Variants in CADPS2 observed in about 807,000 individuals in gnomAD.
CADPS2 encodes the protein calcium-dependent secretion activator 2.
A neutral mutation model predicts 172.5 loss-of-function variants in CADPS2; 93 were observed. The ratio of observed to expected loss-of-function variants is 0.54; its 90% CI spans 0.46 to 0.64. The LOEUF is 0.64. Ranked by LOEUF, CADPS2 falls within the 30% of genes least tolerant of loss-of-function variation. The pLI is 0.00. For missense variants in CADPS2, 1,420 were observed against 1,565.9 expected (o/e 0.91, Z 1.57); for synonymous variants, 546 against 555.2 (o/e 0.98, Z 0.23).
chr7:122,652,385 C>G (rs984737433), intron 3 of CADPS2, among the ~76,000 whole-genome samples: 1 of 152,138 alleles, frequency 6.6e-6, no homozygotes, highest in Non-Finnish European at 1.5e-5. Flanking sequence ...AGTTGATTAA[C>G]TGGTACCACT....
intron 1 of CADPS2, among the ~76,000 whole-genome samples, chr7:122,758,766 AATT>A (rs2093266502): frequency 6.6e-6 from 1 of 152,158 alleles, no homozygotes; most frequent in Non-Finnish European, 1.5e-5. Context: ...TCATTCACTC[AATT>A]ATTTTTCTAC....
chr7:122,697,971 AG>A (rs1458348713), intron 2 of CADPS2: 2 of 1,613,422 alleles, frequency 1.2e-6, no homozygotes, highest in East Asian at 2.2e-5. Context: ...GAACTTGCAA[AG>A]GTTCTGTTCC....
Position 122,401,845 on chromosome 7 carries a change from G to A in CADPS2, c.2746+5695C>T, listed in dbSNP as rs117994344. ...TTTTGCTCTGGGAGTCAGTGAGTGA[G>A]TCTGTGAGGGGTGGGACATTGGGGA... On this transcript the variant is annotated intron_variant, in intron 20 of 29. Coordinates refer to ENST00000449022, the MANE Select transcript of CADPS2 (RefSeq NM_017954.11). Among the ~76,000 whole-genome samples, 889 of 152,180 alleles carry A rather than the reference G, an allele frequency of 5.8e-3. 6 individuals carry two copies. The highest frequency in any genetic ancestry group is 0.02 in the Middle Eastern group (6 of 294).
rs937633791 is a variant in CADPS2 at position 122,414,075 on chromosome 7, C to T, written c.2582G>A (p.Gly861Glu). Residue 861 changes from glycine to glutamate, a missense_variant and splice_region_variant, in exon 19 of 30, where the codon GGA becomes GAA. Gly to Glu is a moderately conservative substitution (Grantham distance 98). Coordinates refer to ENST00000449022, the MANE Select transcript of CADPS2 (RefSeq NM_017954.11). ...GGAAATCATTTTACTCACCTCTCTT[C>T]CCTGAGGGTTTCCAAGAATTTGGAA... ...LQQNEEHHAE[G>E]REAFAWWPDL... The T allele has an allele frequency of 6.5e-7, 1 of 1,537,866 alleles. No homozygotes were observed. Among genetic ancestry groups the T allele is most frequent in the Middle Eastern group, 1.7e-4 (1 of 5,782 alleles).
At chr7:122,645,508 ATATACT>A (rs1394349703) in intron 3 of CADPS2, among the ~76,000 whole-genome samples, 2 of 122,612 alleles carry the variant, frequency 1.6e-5, no homozygotes, top group Non-Finnish European at 3.5e-5. Flanking sequence ...ATAAGTATAT[ATATACT>A]TATATATATA....
At chr7:122,691,821 A>G (rs191716543) in intron 2 of CADPS2, among the ~76,000 whole-genome samples, 1 of 152,236 alleles carries the variant, frequency 6.6e-6, no homozygotes, top group Non-Finnish European at 1.5e-5. Context: ...AGCTGTGCAA[A>G]ACATCCACCC....
At chr7:122,726,800 A>G (rs377296137) in intron 2 of CADPS2, among the ~76,000 whole-genome samples, 1 of 151,670 alleles carries the variant, frequency 6.6e-6, no homozygotes, top group Non-Finnish European at 1.5e-5. Flanking sequence ...CTATCCACAT[A>G]TAAGATAGAG....
chr7:122,471,419 G>A lies in CADPS2; in HGVS notation c.2142C>T (p.Leu714=). ...ENGAVIDPTL[L]HYSFAFCASH... ...AGGCACAGAATGCAAAGCTGTAATG[G>A]AGCAGGGTAGGGTCAATGACAGCAC... Residue 714 remains leucine, a synonymous_variant, in exon 14 of 30, where the codon CTC becomes CTT. Coordinates refer to ENST00000449022, the MANE Select transcript of CADPS2 (RefSeq NM_017954.11). The A allele has an allele frequency of 3.1e-6, 5 of 1,613,388 alleles. No homozygotes were observed. Among genetic ancestry groups the A allele is most frequent in the Non-Finnish European group, 4.2e-6 (5 of 1,179,654 alleles).
intron 1 of CADPS2, among the ~76,000 whole-genome samples, chr7:122,885,241 ACTT>A (rs1311283841): frequency 1.3e-5 from 2 of 152,150 alleles, no homozygotes; most frequent in African/African-American, 4.8e-5. Flanking sequence ...CCTGAAACAA[ACTT>A]CTTACCTTTT....
chr7:122,816,760 G>A (rs982659288), intron 1 of CADPS2, among the ~76,000 whole-genome samples: 1 of 152,114 alleles, frequency 6.6e-6, no homozygotes, highest in African/African-American at 2.4e-5. Context: ...CCAAGCCATC[G>A]CATCCCCTGT....
chr7:122,665,610 T>A (rs2081108553), intron 2 of CADPS2, among the ~76,000 whole-genome samples: 1 of 152,238 alleles, frequency 6.6e-6, no homozygotes, highest in Non-Finnish European at 1.5e-5. Context: ...TACTTTATGA[T>A]AAAGTGTTGA....
chr7:122,328,532 T>C (rs980039261), intron 28 of CADPS2: 1 of 151,872 alleles, frequency 6.6e-6, no homozygotes, highest in Non-Finnish European at 1.5e-5. Context: ...ATTACTGCTT[T>C]ATTCTTTGCC....
intron 1 of CADPS2, among the ~76,000 whole-genome samples, chr7:122,855,168 T>C (rs1441059481): frequency 6.6e-6 from 1 of 152,186 alleles, no homozygotes; most frequent in Non-Finnish European, 1.5e-5. Context: ...GGGTTGCTAT[T>C]TTCCTGGAGG....
At chr7:122,564,589 G>A (rs1043538151) in intron 7 of CADPS2, among the ~76,000 whole-genome samples, 3 of 151,958 alleles carry the variant, frequency 2.0e-5, no homozygotes, top group East Asian at 3.9e-4. Context: ...TTACAGGTGT[G>A]AGCCACCATA....
chr7:122,320,454 G>T, intron 29 of CADPS2, 116 bp from the exon 30 acceptor site: 1 of 678,430 alleles, frequency 1.5e-6, no homozygotes, highest in Non-Finnish European at 2.3e-6. Context: ...AGGTTCATGT[G>T]GCTGTCCATG....
At chr7:122,474,675 A>C (rs555992314) in intron 12 of CADPS2, 158 bp from the exon 13 acceptor site, 37 of 630,810 alleles carry the variant, frequency 5.9e-5, no homozygotes, top group Admixed American at 1.9e-4. Context: ...CATAAATTGC[A>C]AACTTTATGA....
intron 1 of CADPS2, among the ~76,000 whole-genome samples, chr7:122,801,204 C>T (rs1269065430): frequency 6.6e-6 from 1 of 152,040 alleles, no homozygotes; most frequent in African/African-American, 2.4e-5. Flanking sequence ...GAATGTTCAA[C>T]TGTAAGACTA....
intron 5 of CADPS2, among the ~76,000 whole-genome samples, chr7:122,616,896 G>C (rs2133897123): frequency 6.6e-6 from 1 of 152,192 alleles, no homozygotes; most frequent in African/African-American, 2.4e-5. Context: ...TTAATTAAAA[G>C]GCAACTACAC....
chr7:122,618,264 C>T (rs937543487), intron 5 of CADPS2, among the ~76,000 whole-genome samples: 4 of 151,858 alleles, frequency 2.6e-5, no homozygotes, highest in Admixed American at 2.0e-4. Context: ...TTTTTGATAC[C>T]ATAAAAATCC....
Sources: allele counts gnomAD v4.1 joint callset (sites outside exome capture counted in the v4.1 genomes callset), GRCh38; gene constraint gnomAD v4.1.1; transcripts MANE v1.5; gene names NCBI Gene and HGNC (gene_info 2026-07-23, HGNC 2026-07-21).